Variants in NTRK2 observed in about 807,000 individuals in gnomAD.
NTRK2 encodes BDNF/NT-3 growth factors receptor.
NTRK2 carries 13 observed loss-of-function variants against 94.5 expected under a neutral mutation model. The ratio of observed to expected loss-of-function variants is 0.14; its 90% CI spans 0.09 to 0.22. NTRK2 has a LOEUF of 0.22. Among genes scored for constraint, NTRK2 ranks in the 10% least tolerant of loss-of-function variants. NTRK2 has a pLI of 1.00. For synonymous variants in NTRK2, 372 were observed against 407.4 expected (o/e 0.91, Z 1.05); for missense variants, 639 against 1,071.2 (o/e 0.60, Z 5.63).
At chr9:84,903,263 T>A (rs776228810) in intron 14 of NTRK2, among the ~76,000 whole-genome samples, 1 of 152,198 alleles carries the variant, frequency 6.6e-6, no homozygotes. Context: ...GATACAGTTG[T>A]GGTCAAGGAA....
At chr9:84,769,790 G>A (rs1216296777) in intron 12 of NTRK2, among the ~76,000 whole-genome samples, 1 of 152,156 alleles carries the variant, frequency 6.6e-6, no homozygotes, top group African/African-American at 2.4e-5. Flanking sequence ...ATGCCTGAAG[G>A]CAAACCTTCA....
At chr9:84,722,818 T>A (rs1478758168) in intron 6 of NTRK2, among the ~76,000 whole-genome samples, 1 of 152,206 alleles carries the variant, frequency 6.6e-6, no homozygotes, top group African/African-American at 2.4e-5. Context: ...ATTAAAAATG[T>A]TTATGAGGTT....
At chr9:85,015,692 C>A (rs1209659043) in intron 17 of NTRK2, among the ~76,000 whole-genome samples, 1 of 152,218 alleles carries the variant, frequency 6.6e-6, no homozygotes, top group African/African-American at 2.4e-5. Context: ...GCACTAGAAC[C>A]ATCCCTGAGC....
intron 9 of NTRK2, among the ~76,000 whole-genome samples, chr9:84,728,256 C>T (rs1745538110): frequency 6.6e-6 from 1 of 152,166 alleles, no homozygotes; most frequent in African/African-American, 2.4e-5. Flanking sequence ...AGGGCTGGTG[C>T]ACTGGACTGT....
chr9:84,891,411 A>G (rs999166346), intron 14 of NTRK2, among the ~76,000 whole-genome samples: 2 of 152,086 alleles, frequency 1.3e-5, no homozygotes, highest in Non-Finnish European at 2.9e-5. Flanking sequence ...AGTGCACTAC[A>G]ACATGGGAAT....
chr9:84,730,719 C>T (rs1364250234), intron 9 of NTRK2, among the ~76,000 whole-genome samples: 6 of 90,318 alleles, frequency 6.6e-5, no homozygotes, highest in African/African-American at 1.7e-4. Flanking sequence ...CCAGCCTGGG[C>T]GACAGAGCGA....
chr9:84,998,890 G>A (rs374134964), intron 17 of NTRK2, among the ~76,000 whole-genome samples: 1 of 152,344 alleles, frequency 6.6e-6, no homozygotes, highest in African/African-American at 2.4e-5. Context: ...GTACCAATGT[G>A]TGAAAGGTTG....
chr9:84,792,080 A>G (rs1457641068), intron 12 of NTRK2, among the ~76,000 whole-genome samples: 1 of 152,204 alleles, frequency 6.6e-6, no homozygotes, highest in Non-Finnish European at 1.5e-5. Flanking sequence ...GTGTTGCTGA[A>G]TTATCCTCCT....
chr9:84,813,616 C>T (rs1273612107), intron 12 of NTRK2: 1 of 1,065,950 alleles, frequency 9.4e-7, no homozygotes, highest in East Asian at 5.0e-5. Flanking sequence ...GTGATTCCCA[C>T]CATGCTGTGA....
At chr9:84,926,665 A>G (rs2077831978) in intron 14 of NTRK2, among the ~76,000 whole-genome samples, 1 of 151,886 alleles carries the variant, frequency 6.6e-6, no homozygotes, top group Non-Finnish European at 1.5e-5. Flanking sequence ...TCCCCTCTTA[A>G]GTGTTCTCTT....
At chr9:84,699,368 G>T (rs2060581119) in intron 2 of NTRK2, among the ~76,000 whole-genome samples, 1 of 152,088 alleles carries the variant, frequency 6.6e-6, no homozygotes, top group Non-Finnish European at 1.5e-5. Context: ...TCTTCTGTTG[G>T]CCTTTCCATC....
intron 17 of NTRK2, among the ~76,000 whole-genome samples, chr9:85,002,168 A>C (rs1830407362): frequency 6.6e-6 from 1 of 152,052 alleles, no homozygotes; most frequent in Non-Finnish European, 1.5e-5. Context: ...TTTTAGCCAC[A>C]CCTTTGCCTG....
intron 17 of NTRK2, among the ~76,000 whole-genome samples, chr9:85,002,173 T>C (rs1468479248): frequency 2.0e-5 from 3 of 152,172 alleles, no homozygotes; most frequent in Non-Finnish European, 4.4e-5. Context: ...GCCACACCTT[T>C]GCCTGCTTCC....
At chr9:84,956,058 G>A (rs1824083710) in intron 17 of NTRK2, among the ~76,000 whole-genome samples, 2 of 152,198 alleles carry the variant, frequency 1.3e-5, no homozygotes, top group Admixed American at 6.5e-5. Context: ...CTGAGGGCCT[G>A]GGGGAATTCC....
At chr9:84,962,292 A>G (rs1385401841) in intron 17 of NTRK2, among the ~76,000 whole-genome samples, 1 of 152,248 alleles carries the variant, frequency 6.6e-6, no homozygotes. Flanking sequence ...TCTTGTAATC[A>G]TAAGGTAAGC....
chr9:84,734,881 C>A (rs982533107), intron 9 of NTRK2, among the ~76,000 whole-genome samples: 1 of 152,096 alleles, frequency 6.6e-6, no homozygotes, highest in Non-Finnish European at 1.5e-5. Context: ...AAAATTAAGT[C>A]AAAAATTTGA....
intron 14 of NTRK2, among the ~76,000 whole-genome samples, chr9:84,924,349 A>T (rs371767263): frequency 2.5e-4 from 38 of 152,380 alleles, no homozygotes; most frequent in Middle Eastern, 3.4e-3. Flanking sequence ...GGTTGAAAGC[A>T]TGAGGCTTTC....
chr9:84,979,873 G>A (rs1055918159), intron 17 of NTRK2, among the ~76,000 whole-genome samples: 3 of 152,202 alleles, frequency 2.0e-5, no homozygotes, highest in South Asian at 2.1e-4. Flanking sequence ...GACTTGCTAC[G>A]GGTTCAGATG....
intron 16 of NTRK2, among the ~76,000 whole-genome samples, chr9:84,949,862 G>A (rs984664553): frequency 1.2e-4 from 18 of 152,228 alleles, no homozygotes; most frequent in Non-Finnish European, 2.4e-4. Context: ...TAGAGCAGGT[G>A]AGAAATGGCT....
Sources: allele counts gnomAD v4.1 joint callset (sites outside exome capture counted in the v4.1 genomes callset), GRCh38; gene constraint gnomAD v4.1.1; transcripts MANE v1.5; gene names NCBI Gene and HGNC (gene_info 2026-07-23, HGNC 2026-07-21).